FRMD5: variants seen among roughly 807,000 people sequenced by gnomAD.
FRMD5 encodes the protein FERM domain containing 5.
In FRMD5, 20 loss-of-function variants were observed where a neutral mutation model predicts 69.0. The ratio of observed to expected loss-of-function variants is 0.29; its 90% CI spans 0.20 to 0.42. The LOEUF (loss-of-function observed/expected upper bound fraction) is 0.42, where lower values mean the gene tolerates loss of function less well. FRMD5 is among the 10% of genes least tolerant of loss of function. The probability of loss-of-function intolerance (pLI) is 1.00; values close to 1 mark genes in which losing one functional copy is unlikely to be tolerated. For missense variants in FRMD5, 595 were observed against 708.6 expected (o/e 0.84, Z 1.82); for synonymous variants, 271 against 260.1 (o/e 1.04, Z -0.40).
At chr15:43,969,595 T>C (rs529680646) in intron 1 of FRMD5, among the ~76,000 whole-genome samples, 5 of 152,324 alleles carry the variant, frequency 3.3e-5, no homozygotes, top group African/African-American at 4.8e-5. Flanking sequence ...ATATAAATAT[T>C]GCAATCTTTT....
At chr15:43,932,596 C>T (rs774465837) in intron 1 of FRMD5, among the ~76,000 whole-genome samples, 1 of 152,076 alleles carries the variant, frequency 6.6e-6, no homozygotes, top group Admixed American at 6.6e-5. Flanking sequence ...CTTTTAATGC[C>T]TTGGCTTTAA....
chr15:44,018,076 A>G (rs909414289), intron 1 of FRMD5, among the ~76,000 whole-genome samples: 2 of 152,220 alleles, frequency 1.3e-5, no homozygotes, highest in African/African-American at 4.8e-5. Flanking sequence ...TCAATATTTT[A>G]TCTGAGAATA....
chr15:44,064,206 C>A, intron 1 of FRMD5: 2 of 185,606 alleles, frequency 1.1e-5, no homozygotes, highest in South Asian at 1.1e-4. Context: ...CTGGCATGAT[C>A]TTCCATGTCT....
At chr15:43,987,063 C>G (rs1355412313) in intron 1 of FRMD5, among the ~76,000 whole-genome samples, 2 of 152,158 alleles carry the variant, frequency 1.3e-5, no homozygotes, top group Non-Finnish European at 2.9e-5. Flanking sequence ...TGTGTCCTAA[C>G]TGCTCCACTG....
intron 1 of FRMD5, among the ~76,000 whole-genome samples, chr15:43,987,636 G>T (rs1889460249): frequency 6.6e-6 from 1 of 152,032 alleles, no homozygotes; most frequent in African/African-American, 2.4e-5. Context: ...TGTAACCTCA[G>T]CCTCCTGGGT....
intron 3 of FRMD5, 65 bp downstream of exon 3, chr15:43,919,702 A>G (rs1326656204): frequency 6.6e-7 from 1 of 1,509,848 alleles, no homozygotes; most frequent in Non-Finnish European, 9.2e-7. Flanking sequence ...ACTTGAGATA[A>G]GTGGGAGGTT....
intron 1 of FRMD5, among the ~76,000 whole-genome samples, chr15:44,147,187 G>C (rs1436960005): frequency 6.6e-6 from 1 of 151,992 alleles, no homozygotes; most frequent in Non-Finnish European, 1.5e-5. Flanking sequence ...GTCAGGGTCC[G>C]GTTTCGATTT....
intron 1 of FRMD5, among the ~76,000 whole-genome samples, chr15:44,171,835 C>T (rs2077809552): frequency 6.6e-6 from 1 of 152,210 alleles, no homozygotes; most frequent in African/African-American, 2.4e-5. Context: ...GTGATCTAGG[C>T]TCACTGTAAC....
Position 43,873,698 on chromosome 15 carries a change from T to G in FRMD5, c.*187A>C, listed in dbSNP as rs1449658676. The stretch of plus-strand genomic sequence containing the variant: ...AAGAAAATGAGTTTTCCCAGTTTGT[T>G]TAGACAGGGCATGAGCCTATCCCTT... On this transcript the variant is annotated 3_prime_UTR_variant, in exon 14 of 14. Coordinates refer to ENST00000417257, the MANE Select transcript of FRMD5 (RefSeq NM_032892.5). 1 of 1,514,850 alleles carries G rather than the reference T, an allele frequency of 6.6e-7. No homozygotes were observed. The highest frequency in any genetic ancestry group is 2.2e-5 in the Admixed American group (1 of 44,478). 93.8% of individuals were successfully genotyped at this position (1,514,850 alleles called of 1,614,324 possible).
chr15:43,914,481 C>T (rs1258888128), intron 4 of FRMD5, among the ~76,000 whole-genome samples: 2 of 152,114 alleles, frequency 1.3e-5, no homozygotes, highest in Non-Finnish European at 2.9e-5. Flanking sequence ...ATCCATCTAT[C>T]CATCATCCAT....
At chr15:43,883,669 A>T (rs747648350) in intron 13 of FRMD5, 34 bp downstream of exon 13, 2 of 1,451,928 alleles carry the variant, frequency 1.4e-6, no homozygotes, top group African/African-American at 2.8e-5. Flanking sequence ...AACTTGGAGG[A>T]CCCCAGTGGT....
At chr15:44,047,883 C>T (rs1320981306) in intron 1 of FRMD5, among the ~76,000 whole-genome samples, 1 of 152,104 alleles carries the variant, frequency 6.6e-6, no homozygotes, top group East Asian at 1.9e-4. Flanking sequence ...TAGTATGTAT[C>T]AGTACTTTCT....
chr15:44,120,486 A>C lies in FRMD5; in HGVS notation c.102+74467T>G, dbSNP rs144544436. ...ACTAGATTTGGCTTGGGTAACTAGAAGGATAAGGAAGAATTCCCCAAAAGT... is the reference window on the plus strand; with the variant it reads ...ACTAGATTTGGCTTGGGTAACTAGACGGATAAGGAAGAATTCCCCAAAAGT... On this transcript the variant is annotated intron_variant, in intron 1 of 13. Coordinates refer to ENST00000417257, the MANE Select transcript of FRMD5 (RefSeq NM_032892.5). Among the ~76,000 whole-genome samples, 1,319 of 152,082 alleles carry C rather than the reference A, an allele frequency of 8.7e-3. 16 individuals are homozygous for C. Among genetic ancestry groups the C allele is most frequent in the African/African-American group, 0.03 (1,235 of 41,502 alleles).
chr15:44,151,396 CAAA>C (rs75229422), intron 1 of FRMD5, among the ~76,000 whole-genome samples: 1 of 58,538 alleles, frequency 1.7e-5, no homozygotes. Flanking sequence ...GACTCCATCT[CAAA>C]AAAAAAAAAA....
At chr15:44,052,830 T>C (rs937692989) in intron 1 of FRMD5, among the ~76,000 whole-genome samples, 6 of 152,214 alleles carry the variant, frequency 3.9e-5, no homozygotes, top group Non-Finnish European at 4.4e-5. Flanking sequence ...TGTTCATTCA[T>C]TCACAAATGT....
chr15:43,884,624 T>C, intron 12 of FRMD5, 103 bp downstream of exon 12: 2 of 990,432 alleles, frequency 2.0e-6, no homozygotes, highest in Non-Finnish European at 3.0e-6. Flanking sequence ...TTTGGACTTT[T>C]TGGTAGCCAC....
chr15:44,092,435 C>T (rs369605099), intron 1 of FRMD5, among the ~76,000 whole-genome samples: 27 of 152,298 alleles, frequency 1.8e-4, no homozygotes, highest in African/African-American at 6.5e-4. Context: ...TAAGCACACA[C>T]TCTCTATGCC....
chr15:43,970,997 C>G (rs562753198), intron 1 of FRMD5, among the ~76,000 whole-genome samples: 1 of 152,046 alleles, frequency 6.6e-6, no homozygotes, highest in Admixed American at 6.6e-5. Context: ...CACCTGTAAT[C>G]CCAATGCTTT....
chr15:43,958,955 A>T (rs536590394), intron 1 of FRMD5, among the ~76,000 whole-genome samples: 1 of 152,160 alleles, frequency 6.6e-6, no homozygotes, highest in Non-Finnish European at 1.5e-5. Flanking sequence ...ATTCCAGCCC[A>T]CACCTGGCAT....
Sources: allele counts gnomAD v4.1 joint callset (sites outside exome capture counted in the v4.1 genomes callset), GRCh38; gene constraint gnomAD v4.1.1; transcripts MANE v1.5; gene names NCBI Gene and HGNC (gene_info 2026-07-23, HGNC 2026-07-21).